Variants in GKAP1 observed in about 807,000 individuals in gnomAD.
The protein encoded by GKAP1 is G kinase anchoring protein 1.
Under a neutral mutation model 56.7 loss-of-function variants are expected in GKAP1, and 31 were observed. That is an observed-to-expected ratio of 0.55 (90% CI 0.41 to 0.74). The LOEUF (loss-of-function observed/expected upper bound fraction) is 0.74, where lower values mean the gene tolerates loss of function less well. Among genes scored for constraint, GKAP1 ranks in the 30% least tolerant of loss-of-function variants. The pLI, the probability that GKAP1 is intolerant of heterozygous loss-of-function variation, is 0.00. For missense variants in GKAP1, 364 were observed against 402.3 expected, an observed-to-expected ratio of 0.90 and a Z score of 0.82; for synonymous variants, 151 against 138.6, an observed-to-expected ratio of 1.09 and a Z score of -0.63.
chr9:83,753,427 T>G, intron 8 of GKAP1, 68 bp from the exon 9 acceptor site: 1 of 1,054,382 alleles, frequency 9.5e-7, no homozygotes, highest in Admixed American at 2.0e-5. Context: ...AGTATTCCTT[T>G]GTGAAAAGTT....
chr9:83,794,651 G>A (rs958372457), intron 4 of GKAP1, among the ~76,000 whole-genome samples: 1 of 151,958 alleles, frequency 6.6e-6, no homozygotes, highest in African/African-American at 2.4e-5. Flanking sequence ...AATAAAATTT[G>A]GTCTGTTAAT....
chr9:83,805,292 A>T (rs1462239472), intron 3 of GKAP1, among the ~76,000 whole-genome samples: 2 of 151,608 alleles, frequency 1.3e-5, no homozygotes, highest in Non-Finnish European at 2.9e-5. Flanking sequence ...AATCATCACC[A>T]CTCCCTAATC....
chr9:83,785,201 T>C (rs569667275), intron 5 of GKAP1, among the ~76,000 whole-genome samples: 19 of 152,328 alleles, frequency 1.2e-4, no homozygotes, highest in African/African-American at 4.1e-4. Flanking sequence ...CTCCTCTTTA[T>C]TGCCATATCC....
chr9:83,759,389 T>C (rs1370859070), intron 8 of GKAP1, among the ~76,000 whole-genome samples: 1 of 152,110 alleles, frequency 6.6e-6, no homozygotes, highest in East Asian at 1.9e-4. Flanking sequence ...GCCTTCTGAG[T>C]AGCTGAGACT....
chr9:83,813,378 C>T (rs1944538635), intron 2 of GKAP1, among the ~76,000 whole-genome samples: 3 of 152,188 alleles, frequency 2.0e-5, no homozygotes, highest in African/African-American at 7.2e-5. Flanking sequence ...TAAACTACTA[C>T]ACAAATCAGG....
rs755617843 is a variant in GKAP1, at chr9:83,780,524, G to C, written c.563-120C>G. 72 of 538,376 alleles carry C rather than the reference G, an allele frequency of 1.3e-4. 1 individual carries two copies. Among genetic ancestry groups the C allele is most frequent in the Non-Finnish European group, 2.2e-4 (67 of 307,464 alleles). The allele number at this position is 538,376 out of a possible 1,614,324, so 33.3% of individuals were successfully genotyped here. A position where few individuals can be genotyped will look rare whatever the true frequency, so the allele number is the denominator to read the frequency against. The stretch of plus-strand genomic sequence containing the variant: ...TCAAAATTATCTCCTATGAGTTATA[G>C]AAGTCATTTAAGAGTTTTCTAGGAT... On this transcript the variant is annotated intron_variant, in intron 6 of 12. Coordinates refer to ENST00000376371, the MANE Select transcript of GKAP1 (RefSeq NM_025211.4).
At chr9:83,748,401 T>C (rs1236706405) in intron 9 of GKAP1, 29 bp from the exon 10 acceptor site, 3 of 1,304,320 alleles carry the variant, frequency 2.3e-6, no homozygotes, top group African/African-American at 1.5e-5. Flanking sequence ...AGATTTAGTT[T>C]TTTTAAAAGT....
intron 6 of GKAP1, among the ~76,000 whole-genome samples, chr9:83,783,912 A>C (rs935637406): frequency 2.6e-5 from 4 of 152,242 alleles, no homozygotes; most frequent in African/African-American, 9.6e-5. Context: ...ATTACTTTAA[A>C]ACCCCAAATG....
At chr9:83,776,673 C>G (rs1164208019) in intron 7 of GKAP1, among the ~76,000 whole-genome samples, 1 of 152,142 alleles carries the variant, frequency 6.6e-6, no homozygotes, top group Non-Finnish European at 1.5e-5. Context: ...AGCGAGACTC[C>G]ATCTCAGAAA....
chr9:83,804,403 GT>G (rs1944395153), intron 3 of GKAP1, among the ~76,000 whole-genome samples: 2 of 130,892 alleles, frequency 1.5e-5, no homozygotes, highest in African/African-American at 5.9e-5. Flanking sequence ...GGTGGGGGGG[GT>G]CAGCCCCCCG....
chr9:83,753,074 ACAACAAC>A (rs1943419035), intron 9 of GKAP1, among the ~76,000 whole-genome samples, 177 bp downstream of exon 9: 1 of 104,538 alleles, frequency 9.6e-6, no homozygotes, highest in South Asian at 3.7e-4. Flanking sequence ...AACAACAACA[ACAACAAC>A]ATAAATAAAT....
chr9:83,772,315 CT>C (rs1236892934), intron 7 of GKAP1, among the ~76,000 whole-genome samples: 1 of 152,062 alleles, frequency 6.6e-6, no homozygotes, highest in Non-Finnish European at 1.5e-5. Flanking sequence ...ATCAAATTTA[CT>C]TTTTAAAAAG....
chr9:83,804,282 C>T (rs1287896764), intron 3 of GKAP1, among the ~76,000 whole-genome samples: 3 of 148,160 alleles, frequency 2.0e-5, no homozygotes, highest in Admixed American at 6.7e-5. Flanking sequence ...CCAGCCGCCC[C>T]ATCTGGGAGG....
rs553553055 is a variant in GKAP1 at position 83,742,656 on chromosome 9, C to T, written c.905-56G>A. ...TTTTCCAGTCACCCAAATACTTCAA[C>T]AATACTTCAGGGAACTAAGACATAG... On this transcript the variant is annotated intron_variant, in intron 10 of 12. Transcript: ENST00000376371. 6.4e-6 allele frequency: 7 copies of T among 1,100,172 alleles called. No individual in the cohort carries two copies. The Admixed American group carries it at 1.1e-4, about 17-fold the overall frequency. 68.2% of individuals were successfully genotyped at this position (1,100,172 alleles called of 1,614,324 possible). A position where few individuals can be genotyped will look rare whatever the true frequency, so the allele number is the denominator to read the frequency against.
At chr9:83,754,012 T>A (rs1943435558) in intron 8 of GKAP1, among the ~76,000 whole-genome samples, 1 of 152,148 alleles carries the variant, frequency 6.6e-6, no homozygotes, top group Non-Finnish European at 1.5e-5. Flanking sequence ...ATCTGGAGAA[T>A]TCAGGATAGA....
chr9:83,781,485 T>G (rs1233537691), intron 6 of GKAP1, among the ~76,000 whole-genome samples: 1 of 152,234 alleles, frequency 6.6e-6, no homozygotes, highest in Non-Finnish European at 1.5e-5. Context: ...AAAATATAAC[T>G]TTCTTATGAC....
chr9:83,774,700 C>A lies in GKAP1; in HGVS notation c.585+5682G>T, dbSNP rs1311071895. ...AAGAAACTATCAATAAACAGAAACC[C>A]CCTTTTTTTTTTTTTTTTTTTTTTT... On this transcript the variant is annotated intron_variant, in intron 7 of 12. Coordinates refer to ENST00000376371, the MANE Select transcript of GKAP1 (RefSeq NM_025211.4). Among the ~76,000 whole-genome samples, 3 of 114,672 alleles carry A rather than the reference C, an allele frequency of 2.6e-5. 1 individual carries two copies. The highest frequency in any genetic ancestry group is 5.8e-5 in the Non-Finnish European group (3 of 51,842). The allele number at this position is 114,672 out of a possible 152,430, so 75.2% of individuals were successfully genotyped here.
intron 12 of GKAP1, among the ~76,000 whole-genome samples, chr9:83,741,306 A>AT (rs1943202077): frequency 6.6e-6 from 1 of 151,754 alleles, no homozygotes; most frequent in African/African-American, 2.4e-5. Context: ...CAGTTAATGT[A>AT]TTTTATATTA....
intron 4 of GKAP1, among the ~76,000 whole-genome samples, chr9:83,790,504 C>A (rs922088847): frequency 6.6e-6 from 1 of 152,076 alleles, no homozygotes; most frequent in African/African-American, 2.4e-5. Context: ...CAAAACTAGG[C>A]CGGCACAGTG....
Sources: gnomAD v4.1 joint callset for allele counts (sites outside exome capture counted in the v4.1 genomes callset) on GRCh38, gnomAD v4.1.1 for gene constraint, MANE v1.5 for transcripts, NCBI Gene and HGNC (gene_info 2026-07-23, HGNC 2026-07-21) for gene names.